Variants in FARP1 observed in about 807,000 individuals in gnomAD.
The protein encoded by FARP1 is FERM, ARHGEF and pleckstrin domain-containing protein 1.
In FARP1, 52 loss-of-function variants were observed where a neutral mutation model predicts 128.8. The observed-to-expected ratio is 0.40, with a 90% CI of 0.32 to 0.51. FARP1 has a LOEUF of 0.51. FARP1 is among the 20% of genes least tolerant of loss of function. The probability of loss-of-function intolerance (pLI) is 0.45; values close to 1 mark genes in which losing one functional copy is unlikely to be tolerated. For synonymous variants in FARP1, 580 were observed against 551.8 expected, an observed-to-expected ratio of 1.05 and a Z score of -0.72; for missense variants, 1,333 against 1,367.9, an observed-to-expected ratio of 0.97 and a Z score of 0.40.
intron 1 of FARP1, among the ~76,000 whole-genome samples, chr13:98,178,345 GC>G (rs1878255249): frequency 1.3e-5 from 2 of 152,062 alleles, no homozygotes; most frequent in Non-Finnish European, 2.9e-5. Context: ...ACAGGTGTGT[GC>G]CACCACACCC....
chr13:98,367,938 T>C lies in FARP1; in HGVS notation c.320-179T>C, dbSNP rs116120602. ...AAAATGGATCTCTCTTTCCCCACAATATGGAAGTGTGAATTAGTAGCTGAA... is the reference window on the plus strand; with the variant it reads ...AAAATGGATCTCTCTTTCCCCACAACATGGAAGTGTGAATTAGTAGCTGAA... On this transcript the variant is annotated intron_variant, in intron 4 of 26. Coordinates refer to ENST00000319562, the MANE Select transcript of FARP1 (RefSeq NM_005766.4). Among the ~76,000 whole-genome samples, 787 of 152,310 alleles carry C rather than the reference T, an allele frequency of 5.2e-3. 7 individuals carry two copies. The highest frequency in any genetic ancestry group is 0.018 in the African/African-American group (746 of 41,568).
chr13:98,195,080 G>A (rs1879488313), intron 1 of FARP1, among the ~76,000 whole-genome samples: 2 of 152,134 alleles, frequency 1.3e-5, no homozygotes, highest in South Asian at 4.1e-4. Context: ...TTCAAGACTG[G>A]CCCTTCTTAT....
chr13:98,196,199 A>G (rs1219239398), intron 1 of FARP1, among the ~76,000 whole-genome samples: 1 of 152,148 alleles, frequency 6.6e-6, no homozygotes, highest in Non-Finnish European at 1.5e-5. Flanking sequence ...TTGTGATTGC[A>G]TCTAAAATGA....
intron 2 of FARP1, among the ~76,000 whole-genome samples, chr13:98,342,813 T>G (rs1888024657): frequency 6.6e-6 from 1 of 151,590 alleles, no homozygotes; most frequent in South Asian, 2.1e-4. Flanking sequence ...TCACCTGAGG[T>G]GGGGAGTTTG....
intron 1 of FARP1, among the ~76,000 whole-genome samples, chr13:98,150,773 A>G (rs1875941638): frequency 6.6e-6 from 1 of 152,192 alleles, no homozygotes; most frequent in Non-Finnish European, 1.5e-5. Context: ...AGAGGAAGAA[A>G]AAAATTGCCT....
At chr13:98,293,827 T>C (rs1885548613) in intron 2 of FARP1, among the ~76,000 whole-genome samples, 1 of 152,190 alleles carries the variant, frequency 6.6e-6, no homozygotes. Flanking sequence ...CCAGGCATCC[T>C]GTCTTTAAAC....
chr13:98,395,352 G>T lies in FARP1; in HGVS notation c.1290G>T (p.Pro430=). The T allele has an allele frequency of 6.2e-7, 1 of 1,611,708 alleles. No homozygotes were observed. Among genetic ancestry groups the T allele is most frequent in the African/African-American group, 1.3e-5 (1 of 75,062 alleles). ...CGGGGTCGCACCCGAGCCCTGCGCC[G>T]AGGAGAAGCCCCGCGGGTAACAAGC... ...GEPGSHPSPA[P]RRSPAGNKQA... The change falls in exon 13 of 27, where the codon CCG becomes CCT. Residue 430 remains proline, a synonymous_variant. Transcript: ENST00000319562.
chr13:98,207,170 T>C (rs1880323206), intron 1 of FARP1, among the ~76,000 whole-genome samples: 1 of 152,168 alleles, frequency 6.6e-6, no homozygotes, highest in African/African-American at 2.4e-5. Context: ...CTTTTCCATG[T>C]ACAGCAACAG....
chr13:98,274,247 A>G (rs117602349), intron 2 of FARP1, among the ~76,000 whole-genome samples: 1 of 137,058 alleles, frequency 7.3e-6, no homozygotes, highest in African/African-American at 2.7e-5. Flanking sequence ...AGATATCCCC[A>G]GGTTATACAG....
intron 2 of FARP1, among the ~76,000 whole-genome samples, chr13:98,336,781 A>G (rs1414907076): frequency 1.3e-5 from 2 of 152,262 alleles, no homozygotes; most frequent in Non-Finnish European, 2.9e-5. Flanking sequence ...GACACAGAGC[A>G]TGGAGCCAGC....
chr13:98,181,435 C>T (rs1234417156), intron 1 of FARP1, among the ~76,000 whole-genome samples: 1 of 151,724 alleles, frequency 6.6e-6, no homozygotes, highest in Non-Finnish European at 1.5e-5. Context: ...AGAGCAAAAC[C>T]AATAAAGTCA....
chr13:98,446,536 C>A, intron 25 of FARP1, 130 bp from the exon 26 acceptor site: 1 of 906,828 alleles, frequency 1.1e-6, no homozygotes, highest in Non-Finnish European at 1.7e-6. Context: ...CTGCCATGGT[C>A]CCTTCCAGGC....
chr13:98,377,344 T>C (rs1175408183), intron 5 of FARP1, among the ~76,000 whole-genome samples: 2 of 144,528 alleles, frequency 1.4e-5, no homozygotes, highest in African/African-American at 2.6e-5. Flanking sequence ...ACAAATCTTG[T>C]AACTGGGTCC....
intron 2 of FARP1, among the ~76,000 whole-genome samples, chr13:98,215,078 T>C (rs1880979392): frequency 6.6e-6 from 1 of 152,210 alleles, no homozygotes; most frequent in Non-Finnish European, 1.5e-5. Flanking sequence ...CCAGGGATCG[T>C]TGGACTGTGC....
chr13:98,195,381 T>G (rs1879506133), intron 1 of FARP1, among the ~76,000 whole-genome samples: 1 of 150,466 alleles, frequency 6.6e-6, no homozygotes, highest in Non-Finnish European at 1.5e-5. Context: ...CCCGGGCTGT[T>G]TGTTTGTTTG....
At chr13:98,445,216 T>C (rs1213529179) in intron 24 of FARP1, 1 of 152,244 alleles carries the variant, frequency 6.6e-6, no homozygotes, top group Non-Finnish European at 1.5e-5. Flanking sequence ...TGTGGTAAAA[T>C]AGCTATACCA....
At chr13:98,429,438 C>T (rs1390919032) in intron 17 of FARP1, among the ~76,000 whole-genome samples, 3 of 152,148 alleles carry the variant, frequency 2.0e-5, no homozygotes, top group Non-Finnish European at 2.9e-5. Context: ...AGGGGCTCAA[C>T]TCACAGTGAA....
At chr13:98,446,513 A>G (rs1045880410) in intron 25 of FARP1, 153 bp from the exon 26 acceptor site, 2 of 747,840 alleles carry the variant, frequency 2.7e-6, no homozygotes, top group Non-Finnish European at 4.4e-6. Flanking sequence ...CATCACGTAC[A>G]GGCAAACACT....
chr13:98,282,968 G>A (rs185701827), intron 2 of FARP1, among the ~76,000 whole-genome samples: 324 of 151,562 alleles, frequency 2.1e-3, no homozygotes, highest in Non-Finnish European at 3.9e-3. Context: ...TATTTTTTTT[G>A]ACATTGCCAT....
Sources: gnomAD v4.1 joint callset for allele counts (sites outside exome capture counted in the v4.1 genomes callset) on GRCh38, gnomAD v4.1.1 for gene constraint, MANE v1.5 for transcripts, NCBI Gene and HGNC (gene_info 2026-07-23, HGNC 2026-07-21) for gene names.